The following PCDH15 variants were observed in gnomAD, a reference collection of about 807,000 sequenced individuals.
PCDH15 encodes the protein protocadherin related 15, also known as protocadherin-15.
Under a neutral mutation model 178.5 loss-of-function variants are expected in PCDH15, and 129 were observed. The observed-to-expected ratio is 0.72, with a 90% CI of 0.63 to 0.84. PCDH15 has a LOEUF of 0.84. Ranked by LOEUF, PCDH15 falls within the 40% of genes least tolerant of loss-of-function variation. The pLI, the probability that PCDH15 is intolerant of heterozygous loss-of-function variation, is 0.00. For missense variants in PCDH15, 2,230 were observed against 2,099.9 expected (o/e 1.06, Z -1.21); for synonymous variants, 800 against 732.0 (o/e 1.09, Z -1.50).
intron 1 of PCDH15, among the ~76,000 whole-genome samples, chr10:55,218,049 T>G (rs1840758625): frequency 1.3e-5 from 2 of 152,030 alleles, no homozygotes; most frequent in South Asian, 2.1e-4. Flanking sequence ...TGACACTTTC[T>G]TAGCCATTGG....
chr10:54,973,470 GCTA>G (rs1199491986), intron 2 of PCDH15, among the ~76,000 whole-genome samples: 5 of 152,150 alleles, frequency 3.3e-5, no homozygotes, highest in African/African-American at 7.2e-5. Context: ...CTGGTAATTT[GCTA>G]CTATTTTGTG....
chr10:55,317,874 A>G (rs1158025149), intron 1 of PCDH15, among the ~76,000 whole-genome samples: 1 of 152,192 alleles, frequency 6.6e-6, no homozygotes, highest in Non-Finnish European at 1.5e-5. Context: ...CTTCTAGATC[A>G]CGGAAAGCAA....
chr10:53,960,216 GC>G (rs1283269289), intron 22 of PCDH15, among the ~76,000 whole-genome samples: 1 of 152,086 alleles, frequency 6.6e-6, no homozygotes, highest in Non-Finnish European at 1.5e-5. Flanking sequence ...TGATTTTATA[GC>G]ACCAATACAC....
rs764299363 is a variant in PCDH15 at position 54,369,215 on chromosome 10, T to C, written c.379A>G (p.Thr127Ala). The change falls in exon 5 of 38, where the codon ACT becomes GCT. Residue 127 changes from threonine (T) to alanine (A), a missense_variant. Physicochemically the swap from Thr to Ala is moderately conservative, Grantham distance 58 (BLOSUM62 0). Transcript: ENST00000644397. Reference protein sequence around the residue: ...QVQCINKKVGTIIYHEVRIVV... With the variant: ...QVQCINKKVGAIIYHEVRIVV... ...ATTCGCACTTCATGGTAGATAATAG[T>C]GCCCACTTTTTTGTTGATGCACTGG... 3.1e-6 allele frequency: 5 copies of C among 1,612,952 alleles called. No homozygotes were observed. The African/African-American group carries it at 5.3e-5, about 17-fold the overall frequency.
intron 2 of PCDH15, among the ~76,000 whole-genome samples, chr10:55,087,467 AT>A (rs1223942876): frequency 1.3e-5 from 2 of 152,176 alleles, no homozygotes; most frequent in Non-Finnish European, 2.9e-5. Flanking sequence ...GACAGGTGCT[AT>A]TTTTGGTATA....
chr10:55,018,993 C>A (rs1041641294), intron 2 of PCDH15, among the ~76,000 whole-genome samples: 9 of 152,066 alleles, frequency 5.9e-5, no homozygotes, highest in Non-Finnish European at 8.8e-5. Flanking sequence ...ACAATGCTAT[C>A]AATTCACAAG....
chr10:54,797,379 A>T (rs1167098098), intron 1 of PCDH15, among the ~76,000 whole-genome samples: 1 of 152,010 alleles, frequency 6.6e-6, no homozygotes, highest in Non-Finnish European at 1.5e-5. Context: ...TTCAATAGCC[A>T]TGATCTAATT....
At chr10:54,778,347 TATG>T (rs894648868) in intron 1 of PCDH15, among the ~76,000 whole-genome samples, 34 of 152,248 alleles carry the variant, frequency 2.2e-4, no homozygotes, top group African/African-American at 7.9e-4. Flanking sequence ...ATCTTGAGGA[TATG>T]ATGATTTCAG....
intron 3 of PCDH15, among the ~76,000 whole-genome samples, chr10:54,415,113 C>T (rs890805176): frequency 4.0e-5 from 6 of 151,762 alleles, no homozygotes; most frequent in Non-Finnish European, 5.9e-5. Flanking sequence ...AAATCTATAC[C>T]TCTAAAGTAT....
chr10:54,470,224 G>T (rs1407250484), intron 3 of PCDH15, among the ~76,000 whole-genome samples: 3 of 152,190 alleles, frequency 2.0e-5, no homozygotes, highest in Non-Finnish European at 4.4e-5. Flanking sequence ...TAGTACACAC[G>T]AGCAGATAGC....
intron 3 of PCDH15, among the ~76,000 whole-genome samples, chr10:54,833,759 T>C (rs1953266045): frequency 6.6e-6 from 1 of 152,176 alleles, no homozygotes; most frequent in African/African-American, 2.4e-5. Flanking sequence ...CAATGTGATA[T>C]AAAATTATTC....
At chr10:55,156,519 A>C (rs547526182) in intron 2 of PCDH15, among the ~76,000 whole-genome samples, 4 of 152,228 alleles carry the variant, frequency 2.6e-5, no homozygotes, top group African/African-American at 9.6e-5. Context: ...AATTTATTTT[A>C]TTCACTCATG....
intron 3 of PCDH15, among the ~76,000 whole-genome samples, chr10:54,497,153 G>C (rs1034695677): frequency 6.6e-6 from 1 of 151,752 alleles, no homozygotes; most frequent in Non-Finnish European, 1.5e-5. Context: ...CAGGGTTAGA[G>C]CAGGAAGCCC....
At chr10:54,888,834 T>G (rs1041214488) in intron 3 of PCDH15, among the ~76,000 whole-genome samples, 7 of 151,230 alleles carry the variant, frequency 4.6e-5, no homozygotes, top group Non-Finnish European at 7.4e-5. Context: ...TAGTTTTGAG[T>G]TTTTGTACAT....
intron 1 of PCDH15, among the ~76,000 whole-genome samples, chr10:55,261,948 G>A (rs912117483): frequency 6.7e-6 from 1 of 150,086 alleles, no homozygotes; most frequent in African/African-American, 2.4e-5. Context: ...AATATGGAAA[G>A]CCTCTAATTT....
chr10:55,181,335 G>T (rs1839641125), intron 1 of PCDH15, among the ~76,000 whole-genome samples: 1 of 151,892 alleles, frequency 6.6e-6, no homozygotes, highest in Admixed American at 6.6e-5. Flanking sequence ...AAACAAATGG[G>T]TTACCAAAGT....
At chr10:54,219,592 CAAAAAAAAAAAAAA>C (rs763785938) in intron 9 of PCDH15, among the ~76,000 whole-genome samples, 1 of 32,394 alleles carries the variant, frequency 3.1e-5, no homozygotes, top group Non-Finnish European at 6.6e-5. Flanking sequence ...GACTCCATCT[CAAAAAAAAAAAAAA>C]AAAAAAAAAA....
intron 2 of PCDH15, among the ~76,000 whole-genome samples, chr10:54,602,188 T>A (rs1428731140): frequency 6.6e-6 from 1 of 152,038 alleles, no homozygotes; most frequent in African/African-American, 2.4e-5. Flanking sequence ...TTTTCCTTTA[T>A]TAATACTTTA....
At chr10:54,754,625 A>T (rs1467305351) in intron 1 of PCDH15, among the ~76,000 whole-genome samples, 1 of 152,106 alleles carries the variant, frequency 6.6e-6, no homozygotes, top group South Asian at 2.1e-4. Context: ...TCATTTAATT[A>T]TTATCATTAT....
Sources: allele counts gnomAD v4.1 joint callset (sites outside exome capture counted in the v4.1 genomes callset), GRCh38; gene constraint gnomAD v4.1.1; transcripts MANE v1.5; gene names NCBI Gene and HGNC (gene_info 2026-07-23, HGNC 2026-07-21).